MTHFD2L: variants seen among roughly 807,000 people sequenced by gnomAD.
The protein encoded by MTHFD2L is methylenetetrahydrofolate dehydrogenase (NADP+ dependent) 2 like, also known as bifunctional methylenetetrahydrofolate dehydrogenase/cyclohydrolase 2, mitochondrial.
A neutral mutation model predicts 34.9 loss-of-function variants in MTHFD2L; 29 were observed. The observed-to-expected ratio is 0.83, with a 90% CI of 0.62 to 1.13. MTHFD2L has a LOEUF of 1.13. Ranked by LOEUF, MTHFD2L falls within the 50% of genes most tolerant of loss-of-function variation. The pLI, the probability that MTHFD2L is intolerant of heterozygous loss-of-function variation, is 0.00. For missense variants in MTHFD2L, 481 were observed against 446.5 expected (o/e 1.08, Z -0.70); for synonymous variants, 167 against 155.7 (o/e 1.07, Z -0.54).
intron 1 of MTHFD2L, among the ~76,000 whole-genome samples, chr4:74,172,873 C>T (rs574917245): frequency 1.3e-5 from 2 of 152,154 alleles, no homozygotes; most frequent in African/African-American, 4.8e-5. Flanking sequence ...TCTACCTATA[C>T]GTCCACAAAC....
At chr4:74,162,179 T>C (rs1001574783) in intron 1 of MTHFD2L, 3 of 152,192 alleles carry the variant, frequency 2.0e-5, no homozygotes, top group Non-Finnish European at 4.4e-5. Context: ...CACAAGTGGT[T>C]TCTGTGTTGC....
chr4:74,174,381 GA>G (rs202043677), intron 1 of MTHFD2L, 124 bp from the exon 2 acceptor site: 87 of 638,980 alleles, frequency 1.4e-4, no homozygotes, highest in South Asian at 2.4e-4. Context: ...CACTATAATT[GA>G]AAAAAAAATC....
At chr4:74,244,504 T>C (rs1742141921) in intron 6 of MTHFD2L, among the ~76,000 whole-genome samples, 1 of 97,950 alleles carries the variant, frequency 1.0e-5, no homozygotes, top group Non-Finnish European at 2.8e-5. Context: ...TTGACAGCTT[T>C]GTAATACTTA....
chr4:74,171,247 TTCAACA>T (rs1412496919), intron 1 of MTHFD2L, among the ~76,000 whole-genome samples: 2 of 152,070 alleles, frequency 1.3e-5, no homozygotes, highest in African/African-American at 4.8e-5. Flanking sequence ...TGAAAAGATG[TTCAACA>T]TCAGTATTCG....
intron 2 of MTHFD2L, among the ~76,000 whole-genome samples, 156 bp downstream of exon 2, chr4:74,174,846 C>A (rs1267786435): frequency 2.6e-5 from 4 of 152,052 alleles, no homozygotes; most frequent in Non-Finnish European, 5.9e-5. Context: ...ATGTTAATTT[C>A]ATATGATTTT....
At chr4:74,180,260 T>C (rs536195065) in intron 3 of MTHFD2L, among the ~76,000 whole-genome samples, 8 of 152,232 alleles carry the variant, frequency 5.3e-5, no homozygotes, top group African/African-American at 1.9e-4. Flanking sequence ...GCTCATTAGT[T>C]ATTTTGATAG....
rs201351553 is a variant in MTHFD2L at position 74,175,340 on chromosome 4, G to T, written c.388G>T (p.Val130Leu). 3.1e-6 allele frequency: 5 copies of T among 1,613,080 alleles called. No individual in the cohort carries two copies. The East Asian group carries it at 1.1e-4, about 36-fold the overall frequency. ...TGTTTCTCAGGAAGAACTTTTGGAC[G>T]TAACTGATCAATTGAATATGGACCC... ...KDVSQEELLD[V>L]TDQLNMDPRV... Residue 130 changes from valine (V) to leucine (L), a missense_variant, in exon 3 of 8, where the codon GTA (valine) becomes TTA (leucine). Val to Leu is a conservative substitution (Grantham distance 32, BLOSUM62 1). Transcript: ENST00000325278.
At chr4:74,223,312 C>T (rs945198474) in intron 5 of MTHFD2L, among the ~76,000 whole-genome samples, 1 of 151,882 alleles carries the variant, frequency 6.6e-6, no homozygotes, top group Non-Finnish European at 1.5e-5. Flanking sequence ...GAGATCACAT[C>T]CTTTACAGGA....
chr4:74,134,133 C>G (rs1026477774), intron 1 of MTHFD2L, among the ~76,000 whole-genome samples: 2 of 152,164 alleles, frequency 1.3e-5, no homozygotes, highest in Non-Finnish European at 2.9e-5. Flanking sequence ...GCCAGGAGAC[C>G]TGCCTTTGCC....
intron 3 of MTHFD2L, among the ~76,000 whole-genome samples, chr4:74,198,794 TCA>T (rs1406666140): frequency 6.6e-6 from 1 of 152,140 alleles, no homozygotes; most frequent in African/African-American, 2.4e-5. Flanking sequence ...TTCCAAAGAC[TCA>T]GTTTCTATTT....
intron 3 of MTHFD2L, among the ~76,000 whole-genome samples, chr4:74,193,163 AC>A (rs1275343135): frequency 6.6e-6 from 1 of 151,980 alleles, no homozygotes; most frequent in Non-Finnish European, 1.5e-5. Flanking sequence ...TTGCCACCCC[AC>A]CCCCTACAAT....
chr4:74,173,339 G>T (rs1210747565), intron 1 of MTHFD2L, among the ~76,000 whole-genome samples: 2 of 152,054 alleles, frequency 1.3e-5, no homozygotes, highest in Non-Finnish European at 2.9e-5. Context: ...TCAAATTATG[G>T]CACTTCTTAC....
At chr4:74,168,574 T>G (rs1727256003) in intron 1 of MTHFD2L, among the ~76,000 whole-genome samples, 1 of 152,242 alleles carries the variant, frequency 6.6e-6, no homozygotes, top group Non-Finnish European at 1.5e-5. Flanking sequence ...GAATATAGTT[T>G]CCATAAAAGT....
At chr4:74,223,418 A>T (rs1335039627) in intron 5 of MTHFD2L, among the ~76,000 whole-genome samples, 1 of 152,060 alleles carries the variant, frequency 6.6e-6, no homozygotes, top group African/African-American at 2.4e-5. Flanking sequence ...CTAAATGATG[A>T]GGGCAAATGG....
At chr4:74,256,548 A>C (rs964566938) in intron 6 of MTHFD2L, among the ~76,000 whole-genome samples, 2 of 152,064 alleles carry the variant, frequency 1.3e-5, no homozygotes, top group African/African-American at 2.4e-5. Flanking sequence ...TAAATCTTCA[A>C]TCCATCTTGA....
rs567669247 is a variant in MTHFD2L, at chr4:74,201,825, C to T, written c.712+455C>T. The stretch of plus-strand genomic sequence containing the variant: ...ATAGGTTAAACAAATAGTCATTGTC[C>T]TATGAGTAGTAGTGACACTCCAAGT... On this transcript the variant is annotated intron_variant, in intron 5 of 7. Coordinates refer to ENST00000325278, the MANE Select transcript of MTHFD2L (RefSeq NM_001144978.3). Among the ~76,000 whole-genome samples the T allele has an allele frequency of 2.6e-5, 4 of 152,230 alleles. No homozygotes were observed. In the East Asian group the frequency reaches 5.8e-4, roughly 22 times the overall value.
In MTHFD2L at chr4:74,199,904, C is replaced by G. The variant is rs774583970; in HGVS notation, c.562C>G (p.Pro188Ala). The G allele has an allele frequency of 1.4e-5, 23 of 1,613,830 alleles. No homozygotes were observed. The highest frequency in any genetic ancestry group is 1.9e-5 in the Non-Finnish European group (22 of 1,179,964). The stretch of plus-strand genomic sequence containing the variant: ...GTGCCTTGATCAGCATTCTCTCATA[C>G]CTGCCACTGCCAGTGCTGTTTGGGA... The part of the protein sequence containing the change: ...RLCLDQHSLI[P>A]ATASAVWEII... Residue 188 changes from proline (P) to alanine (A), a missense_variant, in exon 4 of 8, where the codon CCT becomes GCT. Coordinates refer to ENST00000325278, the MANE Select transcript of MTHFD2L (RefSeq NM_001144978.3).
chr4:74,205,320 A>G lies in MTHFD2L; in HGVS notation c.712+3950A>G, dbSNP rs115417073. 4.7e-3 allele frequency among the ~76,000 whole-genome samples: 721 copies of G among 152,322 alleles called. 5 individuals carry two copies. The highest frequency in any genetic ancestry group is 0.03 in the South Asian group (146 of 4,826). ...ATGTGCATTGTTAGCTAATGAAGATAATGAAGGAGGACTAACTCGGCAAAT... is the reference window on the plus strand; with the variant it reads ...ATGTGCATTGTTAGCTAATGAAGATGATGAAGGAGGACTAACTCGGCAAAT... On this transcript the variant is annotated intron_variant, in intron 5 of 7. Coordinates refer to ENST00000325278, the MANE Select transcript of MTHFD2L (RefSeq NM_001144978.3).
rs56800481 is a variant in MTHFD2L at position 74,130,655 on chromosome 4, C to T, written c.-297+5138C>T. Among the ~76,000 whole-genome samples, 264 of 152,282 alleles carry T rather than the reference C, an allele frequency of 1.7e-3. 2 individuals carry two copies. The highest frequency in any genetic ancestry group is 6.0e-3 in the African/African-American group (248 of 41,540). The stretch of plus-strand genomic sequence containing the variant: ...ATACTGATTGGGCAAAAGCTGGAAG[C>T]ATTCCCTTTGAAAACCGGCACAAGA... On this transcript the variant is annotated intron_variant, in intron 1 of 7. Coordinates refer to the MTHFD2L transcript ENST00000433372.
Sources: gnomAD v4.1 joint callset for allele counts (sites outside exome capture counted in the v4.1 genomes callset) on GRCh38, gnomAD v4.1.1 for gene constraint, MANE v1.5 for transcripts, NCBI Gene and HGNC (gene_info 2026-07-23, HGNC 2026-07-21) for gene names.